Variants in SGCE observed in about 807,000 individuals in gnomAD.
The protein encoded by SGCE is epsilon-sarcoglycan.
Under a neutral mutation model 57.8 loss-of-function variants are expected in SGCE, and 26 were observed. The ratio of observed to expected loss-of-function variants is 0.45; its 90% CI spans 0.33 to 0.62. The LOEUF (loss-of-function observed/expected upper bound fraction) is 0.62. SGCE is among the 20% of genes least tolerant of loss of function. The pLI is 0.02. For synonymous variants in SGCE, 183 were observed against 189.5 expected, an observed-to-expected ratio of 0.97 and a Z score of 0.28; for missense variants, 468 against 548.6, an observed-to-expected ratio of 0.85 and a Z score of 1.47.
intron 1 of SGCE, among the ~76,000 whole-genome samples, chr7:94,637,951 A>AC (rs1357870066): frequency 6.6e-6 from 1 of 152,180 alleles, no homozygotes; most frequent in Non-Finnish European, 1.5e-5. Context: ...GGGGACCCAT[A>AC]ACCAGAAAAT....
intron 3 of SGCE, chr7:94,627,213 A>T (rs1803861413): frequency 6.6e-6 from 1 of 152,028 alleles, no homozygotes; most frequent in Admixed American, 6.6e-5. Flanking sequence ...GCTGACTAAA[A>T]CTTTGGAGAA....
At chr7:94,646,125 C>T (rs1436144447) in intron 1 of SGCE, among the ~76,000 whole-genome samples, 1 of 152,146 alleles carries the variant, frequency 6.6e-6, no homozygotes, top group African/African-American at 2.4e-5. Flanking sequence ...TGCACTTAGC[C>T]AAGTTGAGGG....
intron 1 of SGCE, among the ~76,000 whole-genome samples, chr7:94,631,842 T>C (rs1384523948): frequency 6.6e-6 from 1 of 152,052 alleles, no homozygotes; most frequent in Non-Finnish European, 1.5e-5. Flanking sequence ...CAGAGAACAT[T>C]ACAAATAATC....
chr7:94,639,238 C>G, intron 1 of SGCE: 1 of 721,620 alleles, frequency 1.4e-6, no homozygotes. Context: ...TTACTAACAA[C>G]AACAACAAAA....
intron 10 of SGCE, among the ~76,000 whole-genome samples, chr7:94,586,061 GAAAAAAA>G (rs780812386): frequency 2.8e-4 from 8 of 28,908 alleles, no homozygotes; most frequent in African/African-American, 6.0e-4. Flanking sequence ...GGAACTAAAT[GAAAAAAA>G]AAAAAAAAAA....
intron 4 of SGCE, among the ~76,000 whole-genome samples, chr7:94,622,943 G>A (rs936188585): frequency 2.6e-5 from 4 of 152,026 alleles, no homozygotes; most frequent in African/African-American, 9.7e-5. Flanking sequence ...AATAAAACTA[G>A]TTAGTAATTA....
intron 1 of SGCE, among the ~76,000 whole-genome samples, chr7:94,654,000 T>G (rs952975810): frequency 8.5e-5 from 13 of 152,228 alleles, no homozygotes; most frequent in Admixed American, 8.5e-4. Flanking sequence ...TTAGAAAGTA[T>G]TTAACTGCAA....
chr7:94,598,523 CA>C (rs1798744796), intron 9 of SGCE: 1 of 448,112 alleles, frequency 2.2e-6, no homozygotes, highest in Admixed American at 3.7e-5. Context: ...AGTTTAATAT[CA>C]GTGTCAATTT....
At chr7:94,649,425 G>A (rs1807569910) in intron 1 of SGCE, among the ~76,000 whole-genome samples, 1 of 152,116 alleles carries the variant, frequency 6.6e-6, no homozygotes, top group African/African-American at 2.4e-5. Flanking sequence ...GTAGACACTG[G>A]GGATTATTAC....
At chr7:94,648,766 A>G (rs540165732) in intron 1 of SGCE, among the ~76,000 whole-genome samples, 1 of 152,264 alleles carries the variant, frequency 6.6e-6, no homozygotes, top group Non-Finnish European at 1.5e-5. Context: ...AGGAGAAACA[A>G]AAAACCTCAG....
At chr7:94,625,110 C>T (rs1803482393) in intron 3 of SGCE, 2 of 151,850 alleles carry the variant, frequency 1.3e-5, no homozygotes, top group Admixed American at 1.3e-4. Flanking sequence ...CGTGTGCATA[C>T]TTTATTTTTG....
chr7:94,623,490 T>C, intron 3 of SGCE, 93 bp from the exon 4 acceptor site: 2 of 832,346 alleles, frequency 2.4e-6, no homozygotes, highest in East Asian at 2.6e-5. Context: ...TTGTCATTCT[T>C]TCCATTTTCA....
At chr7:94,619,040 G>T in intron 4 of SGCE, 84 bp from the exon 5 acceptor site, 1 of 968,228 alleles carries the variant, frequency 1.0e-6, no homozygotes, top group South Asian at 1.3e-5. Context: ...GCGATTTGTT[G>T]AGTTCTGTCA....
intron 1 of SGCE, among the ~76,000 whole-genome samples, chr7:94,632,961 A>T (rs1458999112): frequency 6.6e-6 from 1 of 152,070 alleles, no homozygotes; most frequent in African/African-American, 2.4e-5. Flanking sequence ...CTCACAAACC[A>T]TAAGCTTAAA....
At chr7:94,615,008 T>C (rs1358138065) in intron 5 of SGCE, among the ~76,000 whole-genome samples, 2 of 152,170 alleles carry the variant, frequency 1.3e-5, no homozygotes, top group Non-Finnish European at 2.9e-5. Flanking sequence ...ATATCACCAC[T>C]ATTCCATAAA....
At chr7:94,650,411 G>A (rs955030995) in intron 1 of SGCE, among the ~76,000 whole-genome samples, 1 of 152,024 alleles carries the variant, frequency 6.6e-6, no homozygotes, top group African/African-American at 2.4e-5. Flanking sequence ...AGTAATTCTA[G>A]GAAGCAAATT....
intron 10 of SGCE, 115 bp downstream of exon 10, chr7:94,588,574 A>G: frequency 6.5e-7 from 1 of 1,539,670 alleles, no homozygotes; most frequent in African/African-American, 1.4e-5. Flanking sequence ...GGAATGACAC[A>G]AGTGTTTTGC....
intron 9 of SGCE, among the ~76,000 whole-genome samples, chr7:94,594,951 TC>T (rs1173548117): frequency 1.3e-5 from 2 of 152,128 alleles, no homozygotes; most frequent in Non-Finnish European, 2.9e-5. Flanking sequence ...TGCTCCAGCT[TC>T]CCTGTCCACT....
At chr7:94,603,488 G>T in intron 5 of SGCE, 36 bp from the exon 6 acceptor site, 1 of 1,596,612 alleles carries the variant, frequency 6.3e-7, no homozygotes, top group South Asian at 1.1e-5. Flanking sequence ...TATCCTTTAA[G>T]AAAATTGAAA....
Sources: gnomAD v4.1 joint callset for allele counts (sites outside exome capture counted in the v4.1 genomes callset) on GRCh38, gnomAD v4.1.1 for gene constraint, MANE v1.5 for transcripts, NCBI Gene and HGNC (gene_info 2026-07-23, HGNC 2026-07-21) for gene names.